The following LY75 variants were observed in gnomAD, a reference collection of about 807,000 sequenced individuals.
The protein encoded by LY75 is C-type lectin domain family 13 member B.
Under a neutral mutation model 231.7 loss-of-function variants are expected in LY75, and 185 were observed. The observed-to-expected ratio is 0.80, with a 90% CI of 0.71 to 0.90. The LOEUF is 0.90. LY75 is among the 40% of genes least tolerant of loss of function. LY75 has a pLI of 0.00. For missense variants in LY75, 1,947 were observed against 2,050.2 expected (o/e 0.95, Z 0.97); for synonymous variants, 668 against 689.0 (o/e 0.97, Z 0.48).
At chr2:159,827,775 C>T (rs1442439513) in intron 28 of LY75, among the ~76,000 whole-genome samples, 1 of 152,074 alleles carries the variant, frequency 6.6e-6, no homozygotes, top group Non-Finnish European at 1.5e-5. Flanking sequence ...TACTATGCAG[C>T]CATAAAAAAG....
chr2:159,869,066 G>A (rs1034016255), intron 13 of LY75, among the ~76,000 whole-genome samples: 3 of 152,028 alleles, frequency 2.0e-5, no homozygotes, highest in Admixed American at 1.3e-4. Context: ...ACCAAACACC[G>A]CATGTTCTCA....
At chr2:159,851,474 G>A (rs1404590097) in intron 21 of LY75, among the ~76,000 whole-genome samples, 4 of 152,122 alleles carry the variant, frequency 2.6e-5, no homozygotes, top group Admixed American at 6.6e-5. Flanking sequence ...ATTTAAGCTC[G>A]GAAGCCTTAT....
chr2:159,812,840 A>G (rs543375955), intron 31 of LY75, among the ~76,000 whole-genome samples: 3 of 151,750 alleles, frequency 2.0e-5, no homozygotes, highest in Admixed American at 6.6e-5. Context: ...CTAAACAATA[A>G]CTCCCCATAT....
chr2:159,880,368 C>G (rs1222163484), intron 8 of LY75, among the ~76,000 whole-genome samples: 1 of 152,138 alleles, frequency 6.6e-6, no homozygotes, highest in Non-Finnish European at 1.5e-5. Flanking sequence ...CATTTTTTTA[C>G]TTCTCAAAGT....
rs866989979 is a variant in LY75 at position 159,872,697 on chromosome 2, T to C, written c.1975-104A>G. ...ATGTGTGGGCCCCTGAAATGAATTCTTAAAGGTGTAGTGAAGGCATAGGTA... is the reference window on the plus strand; with the variant it reads ...ATGTGTGGGCCCCTGAAATGAATTCCTAAAGGTGTAGTGAAGGCATAGGTA... On this transcript the variant is annotated intron_variant, in intron 12 of 34. Coordinates refer to ENST00000263636, the MANE Select transcript of LY75 (RefSeq NM_002349.4). 6.0e-6 allele frequency: 8 copies of C among 1,328,350 alleles called. No homozygotes were observed. In the Middle Eastern group the frequency reaches 1.4e-3, roughly 235 times the overall value. The allele number at this position is 1,328,350 out of a possible 1,614,324, so 82.3% of individuals were successfully genotyped here. A position where few individuals can be genotyped will look rare whatever the true frequency, so the allele number is the denominator to read the frequency against.
rs748452236 is a variant in LY75, at chr2:159,853,619, A to C, written c.2663+11T>G. On this transcript the variant is annotated intron_variant, in intron 19 of 34. Coordinates refer to ENST00000263636, the MANE Select transcript of LY75 (RefSeq NM_002349.4). ...TAACTTTACAAAGGTAGAATCAATG[A>C]TGTCACCTACTATGTAAAATGATCA... is the stretch of plus-strand genomic sequence containing the variant. The C allele has an allele frequency of 6.2e-7, 1 of 1,613,316 alleles. No homozygotes were observed. The highest frequency in any genetic ancestry group is 2.2e-5 in the East Asian group (1 of 44,792).
intron 34 of LY75, among the ~76,000 whole-genome samples, chr2:159,806,339 T>A (rs1234061422): frequency 6.6e-6 from 1 of 152,222 alleles, no homozygotes; most frequent in Non-Finnish European, 1.5e-5. Flanking sequence ...ACATGGATAC[T>A]GATTACCTAG....
At position 159,840,800 on chromosome 2, in the gene LY75, G is replaced by A; in HGVS notation, c.3436C>T (p.Gln1146Ter). The A allele has an allele frequency of 6.2e-7, 1 of 1,614,080 alleles. No individual in the cohort carries two copies. The highest frequency in any genetic ancestry group is 8.5e-7 in the Non-Finnish European group (1 of 1,179,976). ...MQLVSITDPYQQAFLSVQALL... is the reference protein window; with the variant it reads ...MQLVSITDPY ...GCCTGCACACTGAGGAATGCCTGCTGGTAAGGGTCCGTGATGCTCACCAGC... is the reference window on the plus strand; with the variant it reads ...GCCTGCACACTGAGGAATGCCTGCTAGTAAGGGTCCGTGATGCTCACCAGC... The change falls in exon 25 of 35, where the codon CAG (glutamine) becomes TAG (stop). Residue 1146 changes from glutamine (Q) to a stop codon, truncating the protein, a stop_gained. Coordinates refer to ENST00000263636, the MANE Select transcript of LY75 (RefSeq NM_002349.4). LOFTEE classifies it high-confidence loss of function.
Position 159,898,921 on chromosome 2 carries a change from A to C in LY75, c.233T>G (p.Leu78Trp). ...GAGGCCAAGGCACTTTTGGGAGTGC[A>C]AATGAAAGAGCCGATGCTGGGACAC... Reference protein sequence around the residue: ...KWVSQHRLFHLHSQKCLGLDI... With the variant: ...KWVSQHRLFHWHSQKCLGLDI... Residue 78 changes from leucine (L) to tryptophan (W), a missense_variant, in exon 2 of 35, where the codon TTG (leucine) becomes TGG (tryptophan). Transcript: ENST00000263636. The C allele has an allele frequency of 6.2e-7, 1 of 1,614,262 alleles. No homozygotes were observed. Among genetic ancestry groups the C allele is most frequent in the Non-Finnish European group, 8.5e-7 (1 of 1,180,048 alleles).
intron 28 of LY75, among the ~76,000 whole-genome samples, chr2:159,824,509 A>G (rs1683398834): frequency 6.6e-6 from 1 of 152,162 alleles, no homozygotes; most frequent in African/African-American, 2.4e-5. Flanking sequence ...GCTCCTGCAC[A>G]ATAATAGTGG....
At chr2:159,852,655 G>C (rs2125855575) in intron 20 of LY75, among the ~76,000 whole-genome samples, 2 of 152,294 alleles carry the variant, frequency 1.3e-5, no homozygotes, top group South Asian at 4.1e-4. Context: ...CTTGCCTCAA[G>C]TGATTTGCCT....
At chr2:159,807,187 G>A in intron 33 of LY75, 47 bp from the exon 34 acceptor site, 1 of 1,569,084 alleles carries the variant, frequency 6.4e-7, no homozygotes, top group Non-Finnish European at 8.6e-7. Flanking sequence ...CACTAAACTA[G>A]TAAGTTACAA....
chr2:159,817,299 A>AAATG, intron 29 of LY75, among the ~76,000 whole-genome samples: 1 of 152,272 alleles, frequency 6.6e-6, no homozygotes, highest in Non-Finnish European at 1.5e-5. Context: ...ACAATGGCTG[A>AAATG]AATGATGGCA....
intron 28 of LY75, among the ~76,000 whole-genome samples, chr2:159,830,362 C>T (rs1216059192): frequency 2.0e-5 from 3 of 152,084 alleles, no homozygotes; most frequent in African/African-American, 7.2e-5. Context: ...TTTTGATGCT[C>T]TATGGCCGTG....
At chr2:159,886,158 G>A (rs1685575522) in intron 5 of LY75, among the ~76,000 whole-genome samples, 1 of 152,088 alleles carries the variant, frequency 6.6e-6, no homozygotes, top group South Asian at 2.1e-4. Context: ...GCCATGTGGT[G>A]GAGCTCATTT....
At chr2:159,867,080 T>C (rs532676466) in intron 13 of LY75, among the ~76,000 whole-genome samples, 2 of 152,302 alleles carry the variant, frequency 1.3e-5, no homozygotes, top group East Asian at 3.9e-4. Flanking sequence ...GAAAAGAGTT[T>C]GCTCGATTGT....
In LY75 at chr2:159,875,564, T is replaced by C; in HGVS notation, c.1854A>G (p.Lys618=). Residue 618 remains lysine (K), a synonymous_variant, in exon 12 of 35, where the codon AAA becomes AAG. Coordinates refer to ENST00000263636, the MANE Select transcript of LY75 (RefSeq NM_002349.4). ...KWEVKDCRSF[K]ALSICKKMSG... The stretch of plus-strand genomic sequence containing the variant: ...TCATTTTCTTGCAAATTGAAAGTGC[T>C]TTGAAGCTTCTGCAGTCCTTCACCT... The C allele has an allele frequency of 6.2e-7, 1 of 1,614,108 alleles. No homozygotes were observed. The highest frequency in any genetic ancestry group is 8.5e-7 in the Non-Finnish European group (1 of 1,180,004).
At chr2:159,874,826 ATATATTT>A (rs1685197789) in intron 12 of LY75, among the ~76,000 whole-genome samples, 1 of 90,178 alleles carries the variant, frequency 1.1e-5, no homozygotes, top group Non-Finnish European at 2.2e-5. Context: ...ATGTAAATAT[ATATATTT>A]TGTAAATATA....
At chr2:159,842,735 C>T (rs1277405998) in intron 23 of LY75, among the ~76,000 whole-genome samples, 8 of 151,928 alleles carry the variant, frequency 5.3e-5, no homozygotes, top group Admixed American at 5.2e-4. Context: ...AAGTTGTGTA[C>T]CACATAACAG....
Sources: allele counts gnomAD v4.1 joint callset (sites outside exome capture counted in the v4.1 genomes callset), GRCh38; gene constraint gnomAD v4.1.1; transcripts MANE v1.5; gene names NCBI Gene and HGNC (gene_info 2026-07-23, HGNC 2026-07-21).